Variants in NXPE3 observed in about 807,000 individuals in gnomAD.
NXPE3 encodes the protein NXPE family member 3.
NXPE3 carries 26 observed loss-of-function variants against 46.1 expected under a neutral mutation model. The observed-to-expected ratio is 0.56, with a 90% confidence interval of 0.41 to 0.78. The LOEUF is 0.78. Among genes scored for constraint, NXPE3 ranks in the 30% least tolerant of loss-of-function variants. The pLI, the probability that NXPE3 is intolerant of heterozygous loss-of-function variation, is 0.00. For synonymous variants in NXPE3, 272 were observed against 257.9 expected (o/e 1.05, Z -0.52); for missense variants, 620 against 686.0 (o/e 0.90, Z 1.07).
chr3:101,815,974 G>A (rs1166489716), intron 6 of NXPE3, among the ~76,000 whole-genome samples: 2 of 148,824 alleles, frequency 1.3e-5, no homozygotes, highest in Middle Eastern at 6.6e-3. Context: ...CCAGCCTGGC[G>A]ACAGAGCGAG....
chr3:101,803,434 G>T (rs531752484), intron 5 of NXPE3, among the ~76,000 whole-genome samples: 1 of 152,284 alleles, frequency 6.6e-6, no homozygotes, highest in South Asian at 2.1e-4. Context: ...CTATGGCTCA[G>T]TACAAAATGA....
chr3:101,821,429 T>G lies in NXPE3; in HGVS notation c.1155T>G (p.Ser385Arg). ...ATTTAGTGGAGTTTAACTTGGGTAG[T>G]CCCAAGAATGTGGGTCCCTTCCTTG... ...VPDLVEFNLG[S>R]PKNVGPFLAV... Residue 385 changes from serine to arginine, a missense_variant, in exon 8 of 8, where the codon AGT becomes AGG. By Grantham distance (110) the Ser-to-Arg change is moderately radical (BLOSUM62 -1). Coordinates refer to ENST00000273347, the MANE Select transcript of NXPE3 (RefSeq NM_145037.4). The G allele has an allele frequency of 3.1e-6, 5 of 1,614,000 alleles. No homozygotes were observed. The highest frequency in any genetic ancestry group is 4.2e-6 in the Non-Finnish European group (5 of 1,179,920).
At chr3:101,806,548 G>A (rs1941427098) in intron 5 of NXPE3, among the ~76,000 whole-genome samples, 1 of 152,086 alleles carries the variant, frequency 6.6e-6, no homozygotes, top group African/African-American at 2.4e-5. Context: ...TTTTAGTAAG[G>A]GGAACAGACA....
In NXPE3 at chr3:101,825,439, G is replaced by A. The variant is rs1576797665; in HGVS notation, c.*3485G>A. On this transcript the variant is annotated 3_prime_UTR_variant, in exon 8 of 8. Coordinates refer to ENST00000273347, the MANE Select transcript of NXPE3 (RefSeq NM_145037.4). ...TAGCCAAATAATAGTTTGTTTAAAT[G>A]TATATTTCCCAATATAAATATAAGG... The A allele has an allele frequency of 1.3e-5, 2 of 152,254 alleles. No homozygotes were observed. Among genetic ancestry groups the A allele is most frequent in the East Asian group, 3.9e-4 (2 of 5,190 alleles). 9.4% of individuals were successfully genotyped at this position (152,254 alleles called of 1,614,324 possible).
intron 1 of NXPE3, chr3:101,779,649 T>C: frequency 6.5e-6 from 1 of 152,814 alleles, no homozygotes; most frequent in Non-Finnish European, 1.5e-5. Context: ...AGCATCTCCA[T>C]CCTCAGTTTC....
chr3:101,816,436 G>A (rs1026198850), intron 6 of NXPE3, among the ~76,000 whole-genome samples: 8 of 151,066 alleles, frequency 5.3e-5, no homozygotes, highest in Admixed American at 2.6e-4. Flanking sequence ...CCAACCCCCC[G>A]ACAGGCCACG....
intron 4 of NXPE3, among the ~76,000 whole-genome samples, chr3:101,788,122 T>C (rs1057448468): frequency 1.7e-4 from 26 of 152,378 alleles, no homozygotes; most frequent in African/African-American, 6.3e-4. Flanking sequence ...ACAGTAGTTT[T>C]AATTTGCATT....
intron 5 of NXPE3, among the ~76,000 whole-genome samples, chr3:101,803,745 G>A (rs757434313): frequency 2.0e-4 from 31 of 152,086 alleles, no homozygotes; most frequent in Admixed American, 4.6e-4. Context: ...TCAGCCTCCC[G>A]AGTAGTTCGG....
intron 7 of NXPE3, among the ~76,000 whole-genome samples, chr3:101,820,601 C>T (rs932031944): frequency 7.2e-5 from 11 of 152,152 alleles, no homozygotes; most frequent in African/African-American, 2.4e-4. Flanking sequence ...GCGCTGTTCA[C>T]GACAGCAAAG....
At position 101,821,404 on chromosome 3, in the gene NXPE3, A is replaced by T. The variant is rs1483853797; in HGVS notation, c.1130A>T (p.Asp377Val). Residue 377 changes from aspartate to valine, a missense_variant and splice_region_variant, in exon 8 of 8, where the codon GAT (aspartate) becomes GTT (valine). Physicochemically the swap from Asp to Val is radical, Grantham distance 152. This residue lies in a region of NXPE3 where 511 missense variants were observed against 528.6 expected (regional missense o/e 0.97). Transcript: ENST00000273347. ...WFEYLTTFVPDLVEFNLGSPK... is the reference protein window; with the variant it reads ...WFEYLTTFVPVLVEFNLGSPK... ...TGAACTTGAGTTTTCCTTGTTTCAG[A>T]TTTAGTGGAGTTTAACTTGGGTAGT... 3.1e-6 allele frequency: 5 copies of T among 1,610,372 alleles called. No individual in the cohort carries two copies. The highest frequency in any genetic ancestry group is 3.4e-4 in the Middle Eastern group (2 of 5,890).
chr3:101,811,190 ACT>A (rs1230144465), intron 6 of NXPE3, among the ~76,000 whole-genome samples: 1 of 152,030 alleles, frequency 6.6e-6, no homozygotes, highest in African/African-American at 2.4e-5. Flanking sequence ...AACTTGTGAG[ACT>A]CTGAGGAGAG....
chr3:101,804,640 A>G (rs1428034022), intron 5 of NXPE3, among the ~76,000 whole-genome samples: 1 of 152,126 alleles, frequency 6.6e-6, no homozygotes, highest in Non-Finnish European at 1.5e-5. Flanking sequence ...CTCATGGCCC[A>G]AATATGTTGA....
rs1296677988 is a variant in NXPE3 at position 101,816,820 on chromosome 3, A to G, written c.948A>G (p.Gln316=). The change falls in exon 7 of 8, where the codon CAA becomes CAG. Residue 316 remains glutamine, a synonymous_variant. Coordinates refer to ENST00000273347, the MANE Select transcript of NXPE3 (RefSeq NM_145037.4). The part of the protein sequence containing the change: ...IKETNSLELS[Q]GSGTFPSGYY... ...AAACTAACAGTCTAGAACTATCTCAAGGCTCAGGAACTTTTCCTTCTGGGT... is the reference window on the plus strand; with the variant it reads ...AAACTAACAGTCTAGAACTATCTCAGGGCTCAGGAACTTTTCCTTCTGGGT... 1 of 1,613,966 alleles carries G rather than the reference A, an allele frequency of 6.2e-7. No individual in the cohort carries two copies. Among genetic ancestry groups the G allele is most frequent in the Non-Finnish European group, 8.5e-7 (1 of 1,179,876 alleles).
intron 4 of NXPE3, among the ~76,000 whole-genome samples, chr3:101,794,866 T>A (rs1409185566): frequency 6.6e-6 from 1 of 152,222 alleles, no homozygotes; most frequent in Non-Finnish European, 1.5e-5. Flanking sequence ...AGGCTCTAAT[T>A]ATTTGAACGA....
chr3:101,814,190 A>G (rs540750205), intron 6 of NXPE3, among the ~76,000 whole-genome samples: 2 of 152,348 alleles, frequency 1.3e-5, no homozygotes, highest in East Asian at 3.9e-4. Flanking sequence ...TTCTCATTCT[A>G]GTAAATGTTT....
chr3:101,790,884 C>G (rs958375978), intron 4 of NXPE3, among the ~76,000 whole-genome samples: 1 of 152,202 alleles, frequency 6.6e-6, no homozygotes, highest in Non-Finnish European at 1.5e-5. Flanking sequence ...GTGTGAGTCA[C>G]CACACCCAGC....
In NXPE3 at chr3:101,826,507, C is replaced by A. The variant is rs1463383129; in HGVS notation, c.*4553C>A. 2.0e-5 allele frequency: 3 copies of A among 152,078 alleles called. No individual in the cohort carries two copies. The highest frequency in any genetic ancestry group is 4.4e-5 in the Non-Finnish European group (3 of 68,036). 9.4% of individuals were successfully genotyped at this position (152,078 alleles called of 1,614,324 possible). On this transcript the variant is annotated 3_prime_UTR_variant, in exon 8 of 8. Transcript: ENST00000273347. ...ATTAGTGTACTTAGGATTCTTGACACCTCAGTGTGCAATAAATAAAATTTT... is the reference window on the plus strand; with the variant it reads ...ATTAGTGTACTTAGGATTCTTGACAACTCAGTGTGCAATAAATAAAATTTT...
intron 4 of NXPE3, among the ~76,000 whole-genome samples, chr3:101,790,370 T>G (rs1267113507): frequency 1.3e-5 from 2 of 152,200 alleles, no homozygotes; most frequent in Non-Finnish European, 2.9e-5. Context: ...CACCTTGCAT[T>G]TCTGTCAGTT....
chr3:101,814,085 CAT>C (rs780450108), intron 6 of NXPE3, among the ~76,000 whole-genome samples: 1 of 152,166 alleles, frequency 6.6e-6, no homozygotes, highest in Non-Finnish European at 1.5e-5. Flanking sequence ...TCCTGTGTGA[CAT>C]ATACTTTTCT....
Sources: gnomAD v4.1 joint callset for allele counts (sites outside exome capture counted in the v4.1 genomes callset) on GRCh38, gnomAD v4.1.1 for gene constraint, gnomAD v4.1.1 regional missense constraint, MANE v1.5 for transcripts, NCBI Gene and HGNC (gene_info 2026-07-23, HGNC 2026-07-21) for gene names.